CLDN10: variants seen among roughly 807,000 people sequenced by gnomAD.
CLDN10 encodes claudin-10.
A neutral mutation model predicts 22.9 loss-of-function variants in CLDN10; 15 were observed. The ratio of observed to expected loss-of-function variants is 0.65; its 90% CI spans 0.44 to 1.01. The LOEUF is 1.01. CLDN10 is among the 50% of genes least tolerant of loss of function. CLDN10 has a pLI of 0.00. For synonymous variants in CLDN10, 114 were observed against 111.4 expected, an observed-to-expected ratio of 1.02 and a Z score of -0.15; for missense variants, 247 against 287.8, an observed-to-expected ratio of 0.86 and a Z score of 1.03.
intron 1 of CLDN10, among the ~76,000 whole-genome samples, chr13:95,469,270 A>T (rs1012810171): frequency 3.3e-5 from 5 of 152,208 alleles, no homozygotes; most frequent in African/African-American, 9.6e-5. Context: ...ATGATGTGCC[A>T]TGGAGAGATT....
rs2043971548 is a variant in CLDN10 at position 95,578,600 on chromosome 13, G to A, written c.*586G>A. Reference sequence around the variant, plus strand: ...ACTTAACTTCTACAGGATCAGAGAGGATCTTGCTCATTCATGGCCATATCC... The same window carrying A: ...ACTTAACTTCTACAGGATCAGAGAGAATCTTGCTCATTCATGGCCATATCC... On this transcript the variant is annotated 3_prime_UTR_variant, in exon 5 of 5. Transcript: ENST00000299339. 6.6e-6 allele frequency: 1 copy of A among 152,208 alleles called. No individual in the cohort carries two copies. Among genetic ancestry groups the A allele is most frequent in the Admixed American group, 6.5e-5 (1 of 15,280 alleles). The allele number at this position is 152,208 out of a possible 1,614,324, so 9.4% of individuals were successfully genotyped here.
At chr13:95,462,349 TTACTTA>T (rs1182645959) in intron 1 of CLDN10, among the ~76,000 whole-genome samples, 3 of 152,250 alleles carry the variant, frequency 2.0e-5, no homozygotes, top group Admixed American at 2.0e-4. Context: ...ATAGCCACTT[TTACTTA>T]TTTTGTTCAT....
At chr13:95,467,458 A>T (rs2042591470) in intron 1 of CLDN10, among the ~76,000 whole-genome samples, 1 of 152,004 alleles carries the variant, frequency 6.6e-6, no homozygotes, top group Non-Finnish European at 1.5e-5. Flanking sequence ...AGGCTCTTCC[A>T]TTGCATTTGG....
chr13:95,448,719 G>GTATTTCATTTTATTT (rs2042404523), intron 1 of CLDN10, among the ~76,000 whole-genome samples: 1 of 144,110 alleles, frequency 6.9e-6, no homozygotes, highest in African/African-American at 2.6e-5. Flanking sequence ...CTAAGCCATA[G>GTATTTCATTTTATTT]TATTTTATTT....
chr13:95,510,972 C>T lies in CLDN10; in HGVS notation c.215-49160C>T, dbSNP rs190375774. 1.4e-3 allele frequency among the ~76,000 whole-genome samples: 207 copies of T among 152,208 alleles called. 1 individual carries two copies. The highest frequency in any genetic ancestry group is 3.4e-3 in the Middle Eastern group (1 of 294). Reference sequence around the variant, plus strand: ...AAGAAAATGTTCAGGGTGTTGGAAACGCTCTGTCAGCCAAAAAAATGTAAA... The same window carrying T: ...AAGAAAATGTTCAGGGTGTTGGAAATGCTCTGTCAGCCAAAAAAATGTAAA... On this transcript the variant is annotated intron_variant, in intron 1 of 4. Coordinates refer to the CLDN10 transcript ENST00000376873.
At chr13:95,486,876 T>C (rs1199509244) in intron 1 of CLDN10, among the ~76,000 whole-genome samples, 2 of 152,202 alleles carry the variant, frequency 1.3e-5, no homozygotes, top group Non-Finnish European at 2.9e-5. Flanking sequence ...TGCCTGATAC[T>C]TGGGTGCTCA....
At chr13:95,510,596 G>A (rs144619842) in intron 1 of CLDN10, among the ~76,000 whole-genome samples, 1 of 152,042 alleles carries the variant, frequency 6.6e-6, no homozygotes, top group East Asian at 1.9e-4. Context: ...TTGCTCATTT[G>A]CCTTACCATA....
At chr13:95,505,575 C>T (rs2043029388) in intron 1 of CLDN10, among the ~76,000 whole-genome samples, 1 of 152,144 alleles carries the variant, frequency 6.6e-6, no homozygotes, top group Non-Finnish European at 1.5e-5. Flanking sequence ...TGTTGGCAGA[C>T]AGTGAAGCAA....
At chr13:95,516,963 A>C (rs2043173349) in intron 1 of CLDN10, among the ~76,000 whole-genome samples, 1 of 139,260 alleles carries the variant, frequency 7.2e-6, no homozygotes, top group African/African-American at 2.7e-5. Flanking sequence ...AAGTTAATAG[A>C]TTCTCTCCTT....
At chr13:95,467,302 A>T (rs1441899265) in intron 1 of CLDN10, among the ~76,000 whole-genome samples, 2 of 152,192 alleles carry the variant, frequency 1.3e-5, no homozygotes, top group Non-Finnish European at 2.9e-5. Context: ...GACTTTTAAA[A>T]GCATAGCCCT....
chr13:95,487,775 A>G (rs2042820070), intron 1 of CLDN10, among the ~76,000 whole-genome samples: 1 of 151,692 alleles, frequency 6.6e-6, no homozygotes, highest in Admixed American at 6.6e-5. Flanking sequence ...CCCAGATTCA[A>G]ATGACCCTCC....
At chr13:95,538,945 T>C (rs1348021100) in intron 1 of CLDN10, among the ~76,000 whole-genome samples, 9 of 152,190 alleles carry the variant, frequency 5.9e-5, no homozygotes, top group Non-Finnish European at 1.0e-4. Context: ...AGTGGCACAA[T>C]CTCGGCTCAC....
chr13:95,537,396 GA>G (rs1244347742), intron 1 of CLDN10, among the ~76,000 whole-genome samples: 1 of 152,166 alleles, frequency 6.6e-6, no homozygotes, highest in Non-Finnish European at 1.5e-5. Flanking sequence ...ATTGCGAACA[GA>G]GGGGATCAAG....
At chr13:95,545,837 C>T (rs2043503263) in intron 1 of CLDN10, among the ~76,000 whole-genome samples, 1 of 152,144 alleles carries the variant, frequency 6.6e-6, no homozygotes, top group African/African-American at 2.4e-5. Flanking sequence ...GGTGGGTGCT[C>T]ACTGGCAGAA....
rs146008834 is a variant in CLDN10, at chr13:95,542,700, G to A, written c.215-17432G>A. 5.5e-3 allele frequency among the ~76,000 whole-genome samples: 832 copies of A among 152,200 alleles called. 9 individuals are homozygous for A. Among genetic ancestry groups the A allele is most frequent in the African/African-American group, 0.019 (794 of 41,524 alleles). On this transcript the variant is annotated intron_variant, in intron 1 of 4. Transcript: ENST00000376873. The stretch of plus-strand genomic sequence containing the variant: ...CGCACGCCTGTAGTTGCAGCTACTC[G>A]GGGGGCTGAGGCAGGAGAATCTCTT...
At chr13:95,446,006 T>G (rs1050225516) in intron 1 of CLDN10, among the ~76,000 whole-genome samples, 1 of 152,120 alleles carries the variant, frequency 6.6e-6, no homozygotes, top group African/African-American at 2.4e-5. Context: ...TGAAATCACT[T>G]CACATGGCCA....
chr13:95,481,310 C>A (rs1393650984), intron 1 of CLDN10, among the ~76,000 whole-genome samples: 1 of 152,196 alleles, frequency 6.6e-6, no homozygotes, highest in Admixed American at 6.5e-5. Context: ...GGAAGGGCAG[C>A]AGAGGATGGC....
chr13:95,513,998 C>T (rs924899220), intron 1 of CLDN10, among the ~76,000 whole-genome samples: 4 of 152,162 alleles, frequency 2.6e-5, no homozygotes, highest in Admixed American at 2.0e-4. Flanking sequence ...TGGCTCATGC[C>T]TATAATCCCA....
intron 1 of CLDN10, among the ~76,000 whole-genome samples, chr13:95,448,899 C>T (rs1213093846): frequency 7.6e-6 from 1 of 131,834 alleles, no homozygotes; most frequent in Non-Finnish European, 1.8e-5. Flanking sequence ...GCCACCACGC[C>T]CAGCTATTTT....
Sources: gnomAD v4.1 joint callset for allele counts (sites outside exome capture counted in the v4.1 genomes callset) on GRCh38, gnomAD v4.1.1 for gene constraint, MANE v1.5 for transcripts, NCBI Gene and HGNC (gene_info 2026-07-23, HGNC 2026-07-21) for gene names.